The following FOCAD variants were observed in gnomAD, a reference collection of about 807,000 sequenced individuals.
FOCAD encodes the protein focadhesin.
A neutral mutation model predicts 225.6 loss-of-function variants in FOCAD; 198 were observed. That is an observed-to-expected ratio of 0.88 (90% confidence interval 0.78 to 0.99). FOCAD has a LOEUF of 0.99. Among genes scored for constraint, FOCAD ranks in the 50% least tolerant of loss-of-function variants. The probability of loss-of-function intolerance (pLI) is 0.00; values close to 1 mark genes in which losing one functional copy is unlikely to be tolerated. For missense variants in FOCAD, 2,713 were observed against 2,123.6 expected, an observed-to-expected ratio of 1.28 and a Z score of -5.46; for synonymous variants, 897 against 755.0, an observed-to-expected ratio of 1.19 and a Z score of -3.08.
At chr9:20,799,860 AT>A (rs1821592257) in intron 11 of FOCAD, among the ~76,000 whole-genome samples, 1 of 152,042 alleles carries the variant, frequency 6.6e-6, no homozygotes, top group South Asian at 2.1e-4. Flanking sequence ...TAAGGTTAAT[AT>A]TGTTATGTGT....
chr9:20,706,299 G>A (rs1479376819), intron 1 of FOCAD, among the ~76,000 whole-genome samples: 1 of 151,998 alleles, frequency 6.6e-6, no homozygotes, highest in Non-Finnish European at 1.5e-5. Flanking sequence ...TTCTGACTTG[G>A]AATTTCCTGC....
intron 15 of FOCAD, among the ~76,000 whole-genome samples, chr9:20,858,868 A>G (rs1828484397): frequency 6.6e-6 from 1 of 151,994 alleles, no homozygotes; most frequent in Non-Finnish European, 1.5e-5. Flanking sequence ...CATGTTGTTT[A>G]ATTTCCATAT....
chr9:20,797,749 G>C (rs2131253967), intron 11 of FOCAD, among the ~76,000 whole-genome samples: 1 of 152,288 alleles, frequency 6.6e-6, no homozygotes, highest in Admixed American at 6.5e-5. Context: ...ATTTTGGGCT[G>C]AGACGATGGG....
At chr9:20,665,841 G>A (rs866134443) in intron 2 of FOCAD, among the ~76,000 whole-genome samples, 7 of 152,044 alleles carry the variant, frequency 4.6e-5, no homozygotes, top group Middle Eastern at 6.8e-3. Context: ...GACCAGCCTG[G>A]CCAACATGGT....
At chr9:20,768,876 A>G (rs1412489211) in intron 7 of FOCAD, among the ~76,000 whole-genome samples, 1 of 152,108 alleles carries the variant, frequency 6.6e-6, no homozygotes, top group African/African-American at 2.4e-5. Flanking sequence ...TAAAGACAGA[A>G]TGTTACTTCA....
At chr9:20,989,045 G>A (rs917848207) in intron 41 of FOCAD, among the ~76,000 whole-genome samples, 19 of 152,168 alleles carry the variant, frequency 1.2e-4, no homozygotes, top group African/African-American at 4.1e-4. Context: ...TTAATAAGAC[G>A]AAGACAGCTC....
chr9:20,758,194 A>C lies in FOCAD; in HGVS notation c.494+3A>C. 1.2e-6 allele frequency: 2 copies of C among 1,605,056 alleles called. No homozygotes were observed. Among genetic ancestry groups the C allele is most frequent in the Non-Finnish European group, 1.7e-6 (2 of 1,174,388 alleles). ...TTTTTCCAGCAGTGCCCTGAAAGGT[A>C]ATGTAAAATAAAAGTGTAAAATAAA... On this transcript the variant is annotated splice_donor_region_variant and intron_variant, in intron 6 of 43. Coordinates refer to ENST00000338382, the MANE Select transcript of FOCAD (RefSeq NM_001375567.1).
At chr9:20,788,668 T>C (rs775498363) in intron 10 of FOCAD, among the ~76,000 whole-genome samples, 1 of 152,228 alleles carries the variant, frequency 6.6e-6, no homozygotes, top group Non-Finnish European at 1.5e-5. Flanking sequence ...CTTTAACGTC[T>C]GCCACTTCTG....
At chr9:20,939,608 G>T (rs1391848770) in intron 28 of FOCAD, among the ~76,000 whole-genome samples, 1 of 151,730 alleles carries the variant, frequency 6.6e-6, no homozygotes, top group African/African-American at 2.4e-5. Flanking sequence ...GTATGTCCAA[G>T]CATATTTAAC....
At chr9:20,888,741 T>C (rs894040073) in intron 21 of FOCAD, among the ~76,000 whole-genome samples, 2 of 152,102 alleles carry the variant, frequency 1.3e-5, no homozygotes, top group African/African-American at 4.8e-5. Flanking sequence ...GTTCTCATGA[T>C]AGTGAATGAG....
intron 10 of FOCAD, 118 bp from the exon 11 acceptor site, chr9:20,789,233 G>C: frequency 8.8e-7 from 1 of 1,132,326 alleles, no homozygotes; most frequent in Non-Finnish European, 1.3e-6. Flanking sequence ...AATTCAATTT[G>C]TATTCATTTT....
At chr9:20,838,867 A>C (rs1236077184) in intron 15 of FOCAD, among the ~76,000 whole-genome samples, 4 of 152,150 alleles carry the variant, frequency 2.6e-5, no homozygotes, top group Non-Finnish European at 1.5e-5. Context: ...ATGGAAAGAA[A>C]ATATTAGAGT....
intron 11 of FOCAD, among the ~76,000 whole-genome samples, chr9:20,802,159 A>G (rs1441950735): frequency 6.6e-6 from 1 of 152,092 alleles, no homozygotes; most frequent in East Asian, 1.9e-4. Context: ...GGCTTATGGT[A>G]TATTGATTGG....
At chr9:20,656,742 CTG>C (rs1354761393), upstream of FOCAD, among the ~76,000 whole-genome samples, 1 of 152,106 alleles carries the variant, frequency 6.6e-6, no homozygotes, top group East Asian at 1.9e-4. Context: ...ATTTGCCAGT[CTG>C]TGTCTTTTAA....
Position 20,824,017 on chromosome 9 carries a change from A to G in FOCAD, c.1920+902A>G, listed in dbSNP as rs567831427. ...CTTGGTATGAGAATACACTTCTATTATTTTTGGTGAACACTCATTTCAGCA... is the reference window on the plus strand; with the variant it reads ...CTTGGTATGAGAATACACTTCTATTGTTTTTGGTGAACACTCATTTCAGCA... On this transcript the variant is annotated intron_variant, in intron 15 of 43. Transcript: ENST00000338382. 4.3e-4 allele frequency among the ~76,000 whole-genome samples: 66 copies of G among 152,186 alleles called. 1 individual carries two copies. The South Asian group carries it at 0.013, about 31-fold the overall frequency.
intron 1 of FOCAD, among the ~76,000 whole-genome samples, chr9:20,701,546 A>G (rs995262425): frequency 6.6e-6 from 1 of 152,268 alleles, no homozygotes; most frequent in African/African-American, 2.4e-5. Flanking sequence ...ATCAGTGACA[A>G]GAAGTATAGA....
intron 2 of FOCAD, among the ~76,000 whole-genome samples, chr9:20,662,247 C>G (rs564907652): frequency 6.6e-6 from 1 of 151,846 alleles, no homozygotes; most frequent in Non-Finnish European, 1.5e-5. Context: ...ATTGTGATAG[C>G]CATGGAGATG....
rs556369166 is a variant in FOCAD, at chr9:20,770,289, C to T, written c.906+51C>T. ...TTCATGCATTGCTATTAAGAAATAC[C>T]TGAGACTTGGTAATTTATAAAGAAA... On this transcript the variant is annotated intron_variant, in intron 8 of 43. Coordinates refer to ENST00000338382, the MANE Select transcript of FOCAD (RefSeq NM_001375567.1). 1.7e-5 allele frequency: 25 copies of T among 1,476,716 alleles called. No homozygotes were observed. In the South Asian group the frequency reaches 2.8e-4, roughly 17 times the overall value. The allele number at this position is 1,476,716 out of a possible 1,614,324, so 91.5% of individuals were successfully genotyped here. A position where few individuals can be genotyped will look rare whatever the true frequency, so the allele number is the denominator to read the frequency against.
chr9:20,898,104 A>G (rs1832253187), intron 21 of FOCAD, among the ~76,000 whole-genome samples: 1 of 151,722 alleles, frequency 6.6e-6, no homozygotes, highest in Non-Finnish European at 1.5e-5. Flanking sequence ...TGGATATAAC[A>G]CTTATCTTTG....
Sources: gnomAD v4.1 joint callset for allele counts (sites outside exome capture counted in the v4.1 genomes callset) on GRCh38, gnomAD v4.1.1 for gene constraint, MANE v1.5 for transcripts, NCBI Gene and HGNC (gene_info 2026-07-23, HGNC 2026-07-21) for gene names.